Variants in NPAS3 observed in about 807,000 individuals in gnomAD.
The protein encoded by NPAS3 is neuronal PAS domain-containing protein 3.
In NPAS3, 14 loss-of-function variants were observed where a neutral mutation model predicts 73.1. The ratio of observed to expected loss-of-function variants is 0.19; its 90% CI spans 0.13 to 0.30. The LOEUF (loss-of-function observed/expected upper bound fraction) is 0.30, where lower values mean the gene tolerates loss of function less well. Ranked by LOEUF, NPAS3 falls within the 10% of genes least tolerant of loss-of-function variation. The pLI is 1.00. For missense variants in NPAS3, 1,096 were observed against 1,250.0 expected (o/e 0.88, Z 1.86); for synonymous variants, 620 against 541.5 (o/e 1.14, Z -2.01).
At chr14:33,389,573 TTGAG>T (rs991034538) in intron 4 of NPAS3, among the ~76,000 whole-genome samples, 4 of 152,308 alleles carry the variant, frequency 2.6e-5, no homozygotes, top group Admixed American at 6.5e-5. Flanking sequence ...ATTAAAGGGC[TTGAG>T]TGAGTTTAGC....
At chr14:33,243,917 G>A (rs955373095) in intron 3 of NPAS3, among the ~76,000 whole-genome samples, 1 of 151,926 alleles carries the variant, frequency 6.6e-6, no homozygotes, top group Admixed American at 6.6e-5. Flanking sequence ...TTCTCTAAAG[G>A]GAAAAATTAC....
chr14:33,412,136 A>G (rs898630239), intron 4 of NPAS3, among the ~76,000 whole-genome samples: 2 of 151,962 alleles, frequency 1.3e-5, no homozygotes, highest in African/African-American at 4.8e-5. Context: ...TTATTTATTT[A>G]TAGACAGGGT....
intron 5 of NPAS3, among the ~76,000 whole-genome samples, chr14:33,658,957 G>T (rs917358277): frequency 6.6e-6 from 1 of 152,212 alleles, no homozygotes; most frequent in East Asian, 1.9e-4. Flanking sequence ...AGGCATAATA[G>T]ATAAGCTGCC....
chr14:33,012,672 C>G (rs183468307), intron 1 of NPAS3, among the ~76,000 whole-genome samples: 9 of 152,138 alleles, frequency 5.9e-5, no homozygotes, highest in African/African-American at 2.2e-4. Context: ...CCTCAGCCTC[C>G]CAAGTAGCTG....
intron 2 of NPAS3, among the ~76,000 whole-genome samples, chr14:33,174,779 A>G (rs1262291203): frequency 1.3e-5 from 2 of 152,188 alleles, no homozygotes; most frequent in Non-Finnish European, 2.9e-5. Context: ...TTTAGGATGG[A>G]GTGGAGATGA....
At chr14:33,402,084 A>G (rs923959651) in intron 4 of NPAS3, among the ~76,000 whole-genome samples, 1 of 152,188 alleles carries the variant, frequency 6.6e-6, no homozygotes, top group Admixed American at 6.6e-5. Flanking sequence ...ACTATCTGCC[A>G]TGCAGTCTGT....
intron 3 of NPAS3, among the ~76,000 whole-genome samples, chr14:33,238,851 C>T (rs761223423): frequency 1.3e-4 from 19 of 151,852 alleles, no homozygotes; most frequent in Non-Finnish European, 2.4e-4. Flanking sequence ...GAAAGTCTTG[C>T]GCCGTGTGGA....
chr14:33,702,130 T>C (rs1595467353), intron 6 of NPAS3, among the ~76,000 whole-genome samples: 1 of 152,344 alleles, frequency 6.6e-6, no homozygotes, highest in South Asian at 2.1e-4. Context: ...AGAGAGGCTG[T>C]CCTCTGTTCC....
At chr14:33,736,422 C>T (rs2061525311) in intron 7 of NPAS3, among the ~76,000 whole-genome samples, 1 of 152,166 alleles carries the variant, frequency 6.6e-6, no homozygotes, top group South Asian at 2.1e-4. Context: ...GTGGAGCCTC[C>T]TTAACCTTTA....
intron 1 of NPAS3, among the ~76,000 whole-genome samples, chr14:32,962,569 CT>C (rs71432096): frequency 0.016 from 1,736 of 110,604 alleles, 13 homozygotes; most frequent in African/African-American, 0.058. Context: ...TTTTTCTTTT[CT>C]TTTTTTTTTT....
intron 4 of NPAS3, among the ~76,000 whole-genome samples, chr14:33,529,542 A>C (rs2053949044): frequency 6.6e-6 from 1 of 152,088 alleles, no homozygotes; most frequent in Admixed American, 6.6e-5. Context: ...ACCATCCTAT[A>C]TTTGTAGTGG....
intron 2 of NPAS3, among the ~76,000 whole-genome samples, chr14:33,139,926 AAT>A (rs1282960487): frequency 7.1e-6 from 1 of 140,860 alleles, no homozygotes; most frequent in Admixed American, 7.4e-5. Context: ...CCAGTCCTAT[AAT>A]ATTCTGCCTG....
chr14:33,289,301 A>T (rs1217605231), intron 3 of NPAS3, among the ~76,000 whole-genome samples: 1 of 152,102 alleles, frequency 6.6e-6, no homozygotes, highest in South Asian at 2.1e-4. Context: ...GACCATGATG[A>T]TGCTGTTATA....
At chr14:33,700,533 C>T (rs538013877) in intron 6 of NPAS3, among the ~76,000 whole-genome samples, 15 of 152,322 alleles carry the variant, frequency 9.8e-5, no homozygotes, top group Admixed American at 2.0e-4. Flanking sequence ...TAGAGTCCTA[C>T]GGTAATAATT....
intron 4 of NPAS3, among the ~76,000 whole-genome samples, chr14:33,467,629 A>T (rs2050587564): frequency 6.6e-6 from 1 of 152,160 alleles, no homozygotes; most frequent in Non-Finnish European, 1.5e-5. Flanking sequence ...ATGTGACTGG[A>T]ATTGTCCCTC....
rs117612297 is a variant in NPAS3, at chr14:33,556,987, G to C, written c.469-3134G>C. ...TGTACCAAGCCATGGCTATCAGGTC[G>C]AATGGAAAATCTAATAAGCCCTTTT... is the stretch of plus-strand genomic sequence containing the variant. On this transcript the variant is annotated intron_variant, in intron 4 of 11. Transcript: ENST00000356141. Among the ~76,000 whole-genome samples, 141 of 152,288 alleles carry C rather than the reference G, an allele frequency of 9.3e-4. 1 individual carries two copies. Among genetic ancestry groups the C allele is most frequent in the African/African-American group, 3.2e-3 (131 of 41,540 alleles).
chr14:33,514,580 CT>C (rs2053213850), intron 4 of NPAS3, among the ~76,000 whole-genome samples: 1 of 151,982 alleles, frequency 6.6e-6, no homozygotes, highest in African/African-American at 2.4e-5. Flanking sequence ...CTTATCTAAT[CT>C]CGTCAAGAAG....
At chr14:32,967,453 A>G (rs2037222233) in intron 1 of NPAS3, among the ~76,000 whole-genome samples, 1 of 152,208 alleles carries the variant, frequency 6.6e-6, no homozygotes, top group South Asian at 2.1e-4. Flanking sequence ...CCCCAACCCC[A>G]GCATTGTTCA....
At chr14:33,536,794 C>T (rs889925289) in intron 4 of NPAS3, among the ~76,000 whole-genome samples, 3 of 152,040 alleles carry the variant, frequency 2.0e-5, no homozygotes, top group African/African-American at 7.2e-5. Context: ...TCTATGTTTA[C>T]CAATAAAATT....
Sources: gnomAD v4.1 joint callset for allele counts (sites outside exome capture counted in the v4.1 genomes callset) on GRCh38, gnomAD v4.1.1 for gene constraint, MANE v1.5 for transcripts, NCBI Gene and HGNC (gene_info 2026-07-23, HGNC 2026-07-21) for gene names.